MMS22L: variants seen among roughly 807,000 people sequenced by gnomAD.
MMS22L encodes the protein MMS22 like, DNA repair protein, also known as protein MMS22-like.
A neutral mutation model predicts 159.1 loss-of-function variants in MMS22L; 74 were observed. That is an observed-to-expected ratio of 0.47 (90% CI 0.39 to 0.56). The LOEUF (loss-of-function observed/expected upper bound fraction) is 0.56, where lower values mean the gene tolerates loss of function less well. Among genes scored for constraint, MMS22L ranks in the 20% least tolerant of loss-of-function variants. MMS22L has a pLI of 0.00. For synonymous variants in MMS22L, 517 were observed against 506.9 expected (o/e 1.02, Z -0.27); for missense variants, 1,351 against 1,422.1 (o/e 0.95, Z 0.80).
intron 14 of MMS22L, among the ~76,000 whole-genome samples, chr6:97,221,901 ATT>A (rs1426321434): frequency 6.6e-6 from 1 of 152,094 alleles, no homozygotes; most frequent in Admixed American, 6.6e-5. Context: ...CCAGTTTCAA[ATT>A]TGTTTGTTGT....
intron 14 of MMS22L, among the ~76,000 whole-genome samples, chr6:97,228,527 C>T (rs1810495557): frequency 6.6e-6 from 1 of 152,092 alleles, no homozygotes; most frequent in South Asian, 2.1e-4. Flanking sequence ...CAAAATTATT[C>T]AAAATGTTGC....
chr6:97,169,033 ATTG>A (rs1803258971), intron 19 of MMS22L, among the ~76,000 whole-genome samples: 1 of 152,102 alleles, frequency 6.6e-6, no homozygotes, highest in Non-Finnish European at 1.5e-5. Flanking sequence ...ATTAAATTTA[ATTG>A]TTAATACATG....
chr6:97,271,811 A>G (rs1224400103), intron 6 of MMS22L: 1 of 152,128 alleles, frequency 6.6e-6, no homozygotes, highest in Non-Finnish European at 1.5e-5. Flanking sequence ...AGCTGGGACT[A>G]CAAGGTATGT....
At chr6:97,155,418 C>T (rs569708764) in intron 22 of MMS22L, among the ~76,000 whole-genome samples, 3 of 152,256 alleles carry the variant, frequency 2.0e-5, no homozygotes, top group African/African-American at 7.2e-5. Flanking sequence ...CACCCATTAA[C>T]TTGTCATTTA....
rs1800876571 is a variant in MMS22L, at chr6:97,145,155, T to A, written c.*1651A>T. 3.3e-5 allele frequency: 5 copies of A among 151,922 alleles called. No homozygotes were observed. The South Asian group carries it at 1.0e-3, about 32-fold the overall frequency. The allele number at this position is 151,922 out of a possible 1,614,324, so 9.4% of individuals were successfully genotyped here. A position where few individuals can be genotyped will look rare whatever the true frequency, so the allele number is the denominator to read the frequency against. On this transcript the variant is annotated 3_prime_UTR_variant, in exon 25 of 25. Transcript: ENST00000683635. ...GTGACTGCTGGAACTTTCCAAGCCATACATTATTTGTTTAGTAAGTCACTA... is the reference window on the plus strand; with the variant it reads ...GTGACTGCTGGAACTTTCCAAGCCAAACATTATTTGTTTAGTAAGTCACTA...
intron 6 of MMS22L, chr6:97,271,794 C>T (rs752446324): frequency 6.6e-6 from 1 of 152,180 alleles, no homozygotes; most frequent in Non-Finnish European, 1.5e-5. Context: ...ACCTCGACCA[C>T]CTGAGTAGCT....
At chr6:97,232,984 G>T in intron 12 of MMS22L, among the ~76,000 whole-genome samples, 1 of 150,450 alleles carries the variant, frequency 6.6e-6, no homozygotes. Context: ...TCCTATTTCA[G>T]TTCTCAGCCA....
chr6:97,178,681 T>C (rs891061481), intron 17 of MMS22L, 96 bp from the exon 18 acceptor site: 2 of 529,448 alleles, frequency 3.8e-6, no homozygotes, highest in Non-Finnish European at 6.1e-6. Context: ...ATATGAGAAG[T>C]AATACAGTAT....
chr6:97,193,097 A>G (rs1806065444), intron 14 of MMS22L, among the ~76,000 whole-genome samples: 1 of 152,222 alleles, frequency 6.6e-6, no homozygotes, highest in Non-Finnish European at 1.5e-5. Flanking sequence ...AGGTAGTTAT[A>G]AAGTAGTATA....
intron 10 of MMS22L, among the ~76,000 whole-genome samples, chr6:97,252,073 A>T (rs1582796319): frequency 6.8e-6 from 1 of 147,678 alleles, no homozygotes. Flanking sequence ...ACAGAGCGAG[A>T]CTCCATCTCA....
rs138482554 is a variant in MMS22L, at chr6:97,244,617, G to A, written c.1182+2011C>T. ...GTCTCACATCCTACATTTTTCTCCC[G>A]TGCTGGATGCTTCCTGCTCTCAAAC... On this transcript the variant is annotated intron_variant, in intron 11 of 24. Coordinates refer to ENST00000683635, the MANE Select transcript of MMS22L (RefSeq NM_001350599.2). Among the ~76,000 whole-genome samples, 224 of 152,242 alleles carry A rather than the reference G, an allele frequency of 1.5e-3. 1 individual carries two copies. The highest frequency in any genetic ancestry group is 5.1e-3 in the African/African-American group (213 of 41,556).
chr6:97,167,975 T>C (rs1228893740), intron 20 of MMS22L, 96 bp downstream of exon 20: 5 of 1,011,650 alleles, frequency 4.9e-6, no homozygotes, highest in East Asian at 2.5e-5. Flanking sequence ...GAGATTATAA[T>C]GTACAGTTTT....
In MMS22L at chr6:97,146,903, G is replaced by T. The variant is rs573278001; in HGVS notation, c.3651-16C>A. 1.3e-6 allele frequency: 2 copies of T among 1,482,098 alleles called. No individual in the cohort carries two copies. Among genetic ancestry groups the T allele is most frequent in the East Asian group, 2.5e-5 (1 of 40,400 alleles). 91.8% of individuals were successfully genotyped at this position (1,482,098 alleles called of 1,614,324 possible). A position where few individuals can be genotyped will look rare whatever the true frequency, so the allele number is the denominator to read the frequency against. ...ATAGGCTTCCCTGTTTAAGAAAAAA[G>T]AAAAGAAAGCAAATATATTAACATT... On this transcript the variant is annotated splice_polypyrimidine_tract_variant and intron_variant, in intron 24 of 24. Transcript: ENST00000683635.
intron 10 of MMS22L, among the ~76,000 whole-genome samples, chr6:97,252,410 T>C (rs4472354): frequency 0.74 from 110,828 of 149,934 alleles, 41,389 homozygotes; most frequent in Middle Eastern, 0.82. Flanking sequence ...GCAGATTAAC[T>C]GAGGTAGGCA....
At chr6:97,181,079 T>C (rs1042401612) in intron 16 of MMS22L, among the ~76,000 whole-genome samples, 1 of 152,164 alleles carries the variant, frequency 6.6e-6, no homozygotes, top group Non-Finnish European at 1.5e-5. Flanking sequence ...GGAAAGACTA[T>C]GGCTACCAAG....
intron 8 of MMS22L, 151 bp downstream of exon 8, chr6:97,267,721 G>T: frequency 4.3e-5 from 23 of 533,124 alleles, no homozygotes; most frequent in South Asian, 9.7e-5. Context: ...AATAAAAATT[G>T]TTTTCCCTTT....
intron 16 of MMS22L, among the ~76,000 whole-genome samples, chr6:97,180,226 C>T (rs1041282162): frequency 6.6e-6 from 1 of 152,200 alleles, no homozygotes; most frequent in East Asian, 1.9e-4. Flanking sequence ...CTCAGCCTCC[C>T]AAGTGGCTGG....
chr6:97,191,377 A>G (rs570673934), intron 14 of MMS22L, among the ~76,000 whole-genome samples: 43 of 152,308 alleles, frequency 2.8e-4, no homozygotes, highest in African/African-American at 9.9e-4. Context: ...ATAAGGTATG[A>G]CATCCTATAT....
rs112416389 is a variant in MMS22L, at chr6:97,191,753, G to A, written c.2040-5063C>T. Among the ~76,000 whole-genome samples, 1,082 of 152,196 alleles carry A rather than the reference G, an allele frequency of 7.1e-3. 11 individuals are homozygous for A. The highest frequency in any genetic ancestry group is 0.025 in the African/African-American group (1,027 of 41,534). On this transcript the variant is annotated intron_variant, in intron 14 of 24. Transcript: ENST00000683635. ...CAGCTAAACTCACTAAAAAATCTTA[G>A]ACACTGAATCCTCTCATCATACTTG...
Sources: gnomAD v4.1 joint callset for allele counts (sites outside exome capture counted in the v4.1 genomes callset) on GRCh38, gnomAD v4.1.1 for gene constraint, MANE v1.5 for transcripts, NCBI Gene and HGNC (gene_info 2026-07-23, HGNC 2026-07-21) for gene names.